The following TRPM3 variants were observed in gnomAD, a reference collection of about 807,000 sequenced individuals.
TRPM3 encodes the protein long transient receptor potential channel 3.
TRPM3 carries 77 observed loss-of-function variants against 181.2 expected under a neutral mutation model. The observed-to-expected ratio is 0.42, with a 90% CI of 0.35 to 0.51. TRPM3 has a LOEUF of 0.51. TRPM3 is among the 20% of genes least tolerant of loss of function. The probability of loss-of-function intolerance (pLI) is 0.01; values close to 1 mark genes in which losing one functional copy is unlikely to be tolerated. For missense variants in TRPM3, 1,759 were observed against 2,196.7 expected (o/e 0.80, Z 3.98); for synonymous variants, 745 against 796.4 (o/e 0.94, Z 1.09).
At chr9:71,400,786 GTTCT>G (rs1349771557) in intron 1 of TRPM3, among the ~76,000 whole-genome samples, 12 of 148,834 alleles carry the variant, frequency 8.1e-5, no homozygotes, top group Admixed American at 2.7e-4. Context: ...TATTTTACTA[GTTCT>G]TTTTTTTTTT....
intron 1 of TRPM3, among the ~76,000 whole-genome samples, chr9:71,219,617 C>G (rs1416782160): frequency 6.6e-6 from 1 of 152,186 alleles, no homozygotes; most frequent in African/African-American, 2.4e-5. Context: ...CTTCTTGACA[C>G]AAGTATTTAA....
rs115800269 is a variant in TRPM3, at chr9:70,935,231, A to T, written c.178-70720T>A. 4.5e-3 allele frequency among the ~76,000 whole-genome samples: 688 copies of T among 152,062 alleles called. 8 individuals are homozygous for T. Among genetic ancestry groups the T allele is most frequent in the African/African-American group, 0.016 (659 of 41,462 alleles). ...TACAGCTCCCTGAAATTTTTGAATC[A>T]TGCCTCCCTGTAATACTTACTGGGT... On this transcript the variant is annotated intron_variant, in intron 1 of 25. Coordinates refer to ENST00000677713, the MANE Select transcript of TRPM3 (RefSeq NM_001366145.2).
intron 5 of TRPM3, among the ~76,000 whole-genome samples, chr9:70,831,935 G>A (rs1461371883): frequency 9.1e-6 from 1 of 109,816 alleles, no homozygotes; most frequent in Admixed American, 1.0e-4. Flanking sequence ...GTGCATGTCT[G>A]TATCAAAACA....
intron 1 of TRPM3, among the ~76,000 whole-genome samples, chr9:71,144,257 C>A (rs1352721962): frequency 6.6e-6 from 1 of 152,040 alleles, no homozygotes; most frequent in East Asian, 1.9e-4. Flanking sequence ...ATGCTCTATC[C>A]AAGCAAGTTA....
intron 21 of TRPM3, among the ~76,000 whole-genome samples, chr9:70,594,360 T>C (rs1022073322): frequency 6.6e-6 from 1 of 152,190 alleles, no homozygotes; most frequent in South Asian, 2.1e-4. Context: ...AATCCTGTTA[T>C]TGTCCCTTGA....
intron 1 of TRPM3, among the ~76,000 whole-genome samples, chr9:70,956,295 C>CT (rs2097070081): frequency 7.3e-5 from 4 of 55,158 alleles, no homozygotes; most frequent in Admixed American, 2.5e-4. Context: ...GAGAAATACA[C>CT]CTTTTTTTTT....
At chr9:71,340,283 G>A (rs1295735614) in intron 1 of TRPM3, among the ~76,000 whole-genome samples, 1 of 152,122 alleles carries the variant, frequency 6.6e-6, no homozygotes, top group Non-Finnish European at 1.5e-5. Flanking sequence ...GTATCAGTAT[G>A]GACTGATGGT....
intron 1 of TRPM3, among the ~76,000 whole-genome samples, chr9:71,275,942 C>G (rs138353515): frequency 0.03 from 4,523 of 151,710 alleles, 196 homozygotes; most frequent in African/African-American, 0.1. Context: ...CCCGGGTTCA[C>G]GCCATTCTCC....
At chr9:71,342,660 T>G (rs527702758) in intron 1 of TRPM3, among the ~76,000 whole-genome samples, 1 of 152,108 alleles carries the variant, frequency 6.6e-6, no homozygotes, top group Non-Finnish European at 1.5e-5. Flanking sequence ...ATGCAGCAGT[T>G]TTTACAAAAG....
At chr9:71,440,422 T>A (rs575570863) in intron 1 of TRPM3, among the ~76,000 whole-genome samples, 1 of 152,360 alleles carries the variant, frequency 6.6e-6, no homozygotes, top group Admixed American at 6.5e-5. Context: ...TCTATCCTCA[T>A]GACTCATTTA....
intron 22 of TRPM3, among the ~76,000 whole-genome samples, chr9:70,577,302 A>T (rs2132278541): frequency 6.6e-6 from 1 of 152,350 alleles, no homozygotes. Flanking sequence ...CTGGATTCCG[A>T]TGGAAGCAGC....
intron 1 of TRPM3, among the ~76,000 whole-genome samples, chr9:71,286,963 A>ATATATAATATAATTATATTATATAAT (rs2085332108): frequency 1.4e-5 from 2 of 138,190 alleles, no homozygotes; most frequent in Non-Finnish European, 3.1e-5. Context: ...TATATAAATT[A>ATATATAATATAATTATATTATATAAT]TATATAATAT....
chr9:70,877,784 G>A (rs2132648829), intron 1 of TRPM3, among the ~76,000 whole-genome samples: 1 of 112,804 alleles, frequency 8.9e-6, no homozygotes, highest in East Asian at 2.5e-4. Flanking sequence ...GGCGACCTAA[G>A]TGCAAAGAGA....
At chr9:70,650,214 C>G (rs187743956) in intron 9 of TRPM3, among the ~76,000 whole-genome samples, 18 of 152,246 alleles carry the variant, frequency 1.2e-4, no homozygotes, top group Admixed American at 1.0e-3. Context: ...GTACTATGCT[C>G]ACTGCTACCT....
In TRPM3 at chr9:70,625,231, C is replaced by T. The variant is rs775528342; in HGVS notation, c.1769G>A (p.Arg590His). ...GAGGTTGTGGTAGAGGGTCCGGAAG[C>T]GCTTGCGCGTGTAGTTGCAGCGATA... The part of the protein sequence containing the change: ...GAYRCNYTRK[R>H]FRTLYHNLFG... Residue 590 changes from arginine to histidine, a missense_variant, in exon 14 of 26, where the codon CGC (arginine) becomes CAC (histidine). Transcript: ENST00000677713. The surrounding 1 kb of genome is among the most constrained non-coding windows in gnomAD (Gnocchi z 4.8). 2 of 1,613,940 alleles carry T rather than the reference C, an allele frequency of 1.2e-6. No individual in the cohort carries two copies. The highest frequency in any genetic ancestry group is 2.2e-5 in the East Asian group (1 of 44,894).
chr9:70,762,348 G>T (rs2078294128), intron 7 of TRPM3, among the ~76,000 whole-genome samples: 1 of 152,166 alleles, frequency 6.6e-6, no homozygotes, highest in African/African-American at 2.4e-5. Context: ...CTGATTAAAA[G>T]ATACTTTTAT....
chr9:71,441,209 C>T (rs902022668), intron 1 of TRPM3, among the ~76,000 whole-genome samples: 1 of 151,622 alleles, frequency 6.6e-6, no homozygotes, highest in African/African-American at 2.4e-5. Context: ...ACAAAATGGA[C>T]CATTATCAGA....
rs149727253 is a variant in TRPM3, at chr9:70,822,589, TA to T, written c.973+5257del. On this transcript the variant is annotated intron_variant, in intron 6 of 25. Coordinates refer to ENST00000677713, the MANE Select transcript of TRPM3 (RefSeq NM_001366145.2). ...AGTTAGTGTTTAATGAGTACAGAGT[TA>T]CAGTTTGGAATGGTGAAAACGTTCT... is the stretch of plus-strand genomic sequence containing the variant. Among the ~76,000 whole-genome samples the T allele has an allele frequency of 5.3e-3, 812 of 152,184 alleles. 9 individuals carry two copies. The highest frequency in any genetic ancestry group is 0.018 in the African/African-American group (767 of 41,518).
At chr9:70,764,085 G>C (rs940500760) in intron 7 of TRPM3, among the ~76,000 whole-genome samples, 1 of 152,152 alleles carries the variant, frequency 6.6e-6, no homozygotes, top group African/African-American at 2.4e-5. Flanking sequence ...AAGATCAATG[G>C]GGACTTCGAA....
Sources: allele counts gnomAD v4.1 joint callset (sites outside exome capture counted in the v4.1 genomes callset), GRCh38; gene constraint gnomAD v4.1.1; non-coding constraint Gnocchi (gnomAD v3.1); transcripts MANE v1.5; gene names NCBI Gene and HGNC (gene_info 2026-07-23, HGNC 2026-07-21).